The following CMC1 variants were observed in gnomAD, a reference collection of about 807,000 sequenced individuals.
CMC1 encodes C-X9-C motif containing 1.
In CMC1, 14 loss-of-function variants were observed where a neutral mutation model predicts 14.1. The observed-to-expected ratio is 0.99, with a 90% CI of 0.66 to 1.55. The LOEUF (loss-of-function observed/expected upper bound fraction) is 1.55, where lower values mean the gene tolerates loss of function less well. Ranked by LOEUF, CMC1 falls within the 40% of genes most tolerant of loss-of-function variation. CMC1 has a pLI of 0.00. For missense variants in CMC1, 127 were observed against 123.8 expected (o/e 1.03, Z -0.12); for synonymous variants, 50 against 38.4 (o/e 1.30, Z -1.12).
At chr3:28,306,987 G>T (rs1256012524) in intron 2 of CMC1, among the ~76,000 whole-genome samples, 2 of 152,132 alleles carry the variant, frequency 1.3e-5, no homozygotes, top group Non-Finnish European at 2.9e-5. Flanking sequence ...TCATAATTTT[G>T]TTGAAGTTAA....
At chr3:28,296,854 G>T (rs1701763722) in intron 2 of CMC1, among the ~76,000 whole-genome samples, 1 of 151,990 alleles carries the variant, frequency 6.6e-6, no homozygotes, top group South Asian at 2.1e-4. Flanking sequence ...AGTAAGGTTT[G>T]TTGTTTTACA....
intron 1 of CMC1, among the ~76,000 whole-genome samples, chr3:28,243,331 C>G (rs530039250): frequency 6.6e-6 from 1 of 152,152 alleles, no homozygotes; most frequent in South Asian, 2.1e-4. Context: ...GCTGGGATTA[C>G]AGGTGTGAGC....
chr3:28,299,313 A>G (rs1011776117), intron 2 of CMC1, among the ~76,000 whole-genome samples: 1 of 152,114 alleles, frequency 6.6e-6, no homozygotes, highest in Non-Finnish European at 1.5e-5. Context: ...ACTGATTTCT[A>G]CTTGACTGGA....
intron 1 of CMC1, among the ~76,000 whole-genome samples, chr3:28,247,823 T>A (rs963924808): frequency 2.6e-5 from 4 of 152,184 alleles, no homozygotes; most frequent in African/African-American, 9.6e-5. Context: ...TAACACTGGC[T>A]TAAGATATAC....
Position 28,319,602 on chromosome 3 carries a change from G to C in CMC1, c.294G>C (p.Arg98Ser), listed in dbSNP as rs774202301. ...AAACTGGAATTCCTACAAAGAAAAG[G>C]CTACAGAAGCTTCCAACAAGCATGT... ...FRKTGIPTKK[R>S]LQKLPTSM The change falls in exon 4 of 4, where the codon AGG (arginine) becomes AGC (serine). Residue 98 changes from arginine (R) to serine (S), a missense_variant. Physicochemically the swap from Arg to Ser is moderately radical, Grantham distance 110. Coordinates refer to ENST00000466830, the MANE Select transcript of CMC1 (RefSeq NM_182523.2). 6.2e-7 allele frequency: 1 copy of C among 1,607,626 alleles called. No individual in the cohort carries two copies. The highest frequency in any genetic ancestry group is 8.5e-7 in the Non-Finnish European group (1 of 1,176,660).
chr3:28,308,205 A>G lies in CMC1; in HGVS notation c.110-8128A>G, dbSNP rs537833975. Among the ~76,000 whole-genome samples, 11 of 152,262 alleles carry G rather than the reference A, an allele frequency of 7.2e-5. No homozygotes were observed. The South Asian group carries it at 2.3e-3, about 32-fold the overall frequency. Reference sequence around the variant, plus strand: ...GACTGGGACATCTTTGGGGACTATTATGCTACCTAACATAGGCAGAAAATG... The same window carrying G: ...GACTGGGACATCTTTGGGGACTATTGTGCTACCTAACATAGGCAGAAAATG... On this transcript the variant is annotated intron_variant, in intron 2 of 3. Transcript: ENST00000466830.
Position 28,303,265 on chromosome 3 carries a change from G to C in CMC1, c.110-13068G>C, listed in dbSNP as rs890200018. 5.9e-5 allele frequency among the ~76,000 whole-genome samples: 9 copies of C among 152,090 alleles called. No individual in the cohort carries two copies. The East Asian group carries it at 1.5e-3, about 26-fold the overall frequency. On this transcript the variant is annotated intron_variant, in intron 2 of 3. Coordinates refer to ENST00000466830, the MANE Select transcript of CMC1 (RefSeq NM_182523.2). ...CCTTGCAAAAAATGATTAGGAAGTT[G>C]TCATGGGAAAATGGAAAAACAAGAA...
chr3:28,299,249 T>C (rs1701899138), intron 2 of CMC1, among the ~76,000 whole-genome samples: 1 of 152,116 alleles, frequency 6.6e-6, no homozygotes, highest in Admixed American at 6.6e-5. Flanking sequence ...TCGTGGCATA[T>C]TGAAGATGCA....
intron 2 of CMC1, among the ~76,000 whole-genome samples, chr3:28,301,127 A>G (rs770454541): frequency 6.6e-6 from 1 of 152,176 alleles, no homozygotes; most frequent in Non-Finnish European, 1.5e-5. Flanking sequence ...CCACATTCAT[A>G]TAAAAATACT....
rs551374143 is a variant in CMC1 at position 28,322,080 on chromosome 3, A to G, written c.*2451A>G. 11 of 151,368 alleles carry G rather than the reference A, an allele frequency of 7.3e-5. No homozygotes were observed. In the South Asian group the frequency reaches 2.3e-3, roughly 31 times the overall value. 9.4% of individuals were successfully genotyped at this position (151,368 alleles called of 1,614,324 possible). The stretch of plus-strand genomic sequence containing the variant: ...CCTAGAACAGAGATATCAAGTGTAG[A>G]TTTAAAAGCTTCTAGCTGGGTAAAA... On this transcript the variant is annotated 3_prime_UTR_variant, in exon 4 of 4. Coordinates refer to ENST00000466830, the MANE Select transcript of CMC1 (RefSeq NM_182523.2).
At chr3:28,245,772 G>T (rs771174024) in intron 1 of CMC1, among the ~76,000 whole-genome samples, 1 of 152,078 alleles carries the variant, frequency 6.6e-6, no homozygotes, top group Non-Finnish European at 1.5e-5. Context: ...TCCAAGTTGG[G>T]GTTCTTTCAG....
intron 1 of CMC1, among the ~76,000 whole-genome samples, chr3:28,243,080 C>T (rs1698615770): frequency 6.6e-6 from 1 of 151,776 alleles, no homozygotes; most frequent in South Asian, 2.1e-4. Flanking sequence ...TTTACTGAAA[C>T]GGAGTCTCAC....
chr3:28,268,439 G>A (rs192528175), intron 2 of CMC1, among the ~76,000 whole-genome samples: 1 of 152,210 alleles, frequency 6.6e-6, no homozygotes, highest in East Asian at 1.9e-4. Flanking sequence ...GCTCATTAGA[G>A]ACTCAGTCCC....
chr3:28,275,788 G>A (rs1438320465), intron 2 of CMC1, among the ~76,000 whole-genome samples: 1 of 152,144 alleles, frequency 6.6e-6, no homozygotes, highest in Non-Finnish European at 1.5e-5. Context: ...GGAGATCAGA[G>A]TTCTGTCCAT....
chr3:28,253,730 G>C, intron 1 of CMC1: 1 of 1,284,022 alleles, frequency 7.8e-7, no homozygotes, highest in Non-Finnish European at 1.0e-6. Context: ...TTTTCCTACA[G>C]AGTAAACAGT....
rs1700384783 is a variant in CMC1, at chr3:28,273,154, G to A, written c.109+9774G>A. 2.6e-5 allele frequency among the ~76,000 whole-genome samples: 4 copies of A among 152,060 alleles called. No homozygotes were observed. In the South Asian group the frequency reaches 8.3e-4, roughly 32 times the overall value. On this transcript the variant is annotated intron_variant, in intron 2 of 3. Transcript: ENST00000466830. ...TCAGCTCTAAAACCGCCTGATTCTG[G>A]GCTTTTTTGGTTAGTATGCTATTTA...
chr3:28,293,469 A>G (rs1202248420), intron 2 of CMC1, among the ~76,000 whole-genome samples: 1 of 152,212 alleles, frequency 6.6e-6, no homozygotes, highest in East Asian at 1.9e-4. Context: ...ACCAGGACAC[A>G]TTAAGTTTGA....
At chr3:28,262,770 G>A (rs1699798063) in intron 1 of CMC1, among the ~76,000 whole-genome samples, 2 of 152,146 alleles carry the variant, frequency 1.3e-5, no homozygotes, top group Non-Finnish European at 2.9e-5. Flanking sequence ...TTTTAGTCCA[G>A]TTGTGGAAGT....
chr3:28,269,609 A>G (rs1700178634), intron 2 of CMC1, among the ~76,000 whole-genome samples: 1 of 151,142 alleles, frequency 6.6e-6, no homozygotes, highest in Non-Finnish European at 1.5e-5. Flanking sequence ...TCTGTTGCCT[A>G]AGCTGGAGGG....
Sources: gnomAD v4.1 joint callset for allele counts (sites outside exome capture counted in the v4.1 genomes callset) on GRCh38, gnomAD v4.1.1 for gene constraint, MANE v1.5 for transcripts, NCBI Gene and HGNC (gene_info 2026-07-23, HGNC 2026-07-21) for gene names.